The following AKAP7 variants were observed in gnomAD, a reference collection of about 807,000 sequenced individuals.
The protein encoded by AKAP7 is A-kinase anchoring protein 7.
In AKAP7, 39 loss-of-function variants were observed where a neutral mutation model predicts 39.5. The observed-to-expected ratio is 0.99, with a 90% CI of 0.76 to 1.29. The LOEUF (loss-of-function observed/expected upper bound fraction) is 1.29. AKAP7 is among the 50% of genes most tolerant of loss of function. The pLI, the probability that AKAP7 is intolerant of heterozygous loss-of-function variation, is 0.00. For missense variants in AKAP7, 414 were observed against 407.7 expected (o/e 1.02, Z -0.13); for synonymous variants, 140 against 139.1 (o/e 1.01, Z -0.05).
intron 1 of AKAP7, among the ~76,000 whole-genome samples, chr6:131,143,710 A>G (rs1398151722): frequency 1.4e-4 from 21 of 149,328 alleles, no homozygotes; most frequent in Admixed American, 1.1e-3. Flanking sequence ...ACTGTGGCCT[A>G]TCATCATAGC....
chr6:131,272,142 G>C (rs1345243600), intron 7 of AKAP7, among the ~76,000 whole-genome samples: 1 of 152,086 alleles, frequency 6.6e-6, no homozygotes, highest in East Asian at 1.9e-4. Context: ...CTAGTTTGTT[G>C]CATCTCTTCA....
rs141189273 is a variant in AKAP7, at chr6:131,279,557, G to A, written c.851-1973G>A. ...GTTGGGATTACAGGCGTGAGCCACC[G>A]CGCCTGGCCAAAATTAGCTTTTTGT... is the stretch of plus-strand genomic sequence containing the variant. On this transcript the variant is annotated intron_variant, in intron 7 of 7. Transcript: ENST00000431975. 5.2e-3 allele frequency among the ~76,000 whole-genome samples: 793 copies of A among 152,262 alleles called. 7 individuals carry two copies. Among genetic ancestry groups the A allele is most frequent in the African/African-American group, 0.018 (738 of 41,550 alleles).
chr6:131,244,474 C>A (rs1811844273), intron 7 of AKAP7, among the ~76,000 whole-genome samples: 3 of 152,206 alleles, frequency 2.0e-5, no homozygotes. Context: ...CTTGTCAGCC[C>A]ATCTTTCAGC....
intron 5 of AKAP7, among the ~76,000 whole-genome samples, chr6:131,171,235 C>T (rs1804015238): frequency 1.3e-5 from 2 of 152,018 alleles, no homozygotes; most frequent in South Asian, 4.1e-4. Flanking sequence ...CAAGCAATTA[C>T]AGTGCAATAT....
intron 3 of AKAP7, among the ~76,000 whole-genome samples, chr6:131,161,800 C>T (rs1056696044): frequency 1.3e-5 from 2 of 151,572 alleles, no homozygotes; most frequent in Non-Finnish European, 2.9e-5. Flanking sequence ...TTTAGGATCA[C>T]GTATACCTGT....
chr6:131,260,174 TGTA>T (rs1230311545), intron 7 of AKAP7, among the ~76,000 whole-genome samples: 2 of 152,350 alleles, frequency 1.3e-5, no homozygotes, highest in East Asian at 3.9e-4. Flanking sequence ...ATGGTGTATA[TGTA>T]CCACATTTTC....
intron 7 of AKAP7, among the ~76,000 whole-genome samples, chr6:131,249,287 TTCTA>T (rs1362202467): frequency 6.6e-6 from 1 of 152,190 alleles, no homozygotes; most frequent in South Asian, 2.1e-4. Context: ...ATTATCAAAA[TTCTA>T]TCTTTCAGAA....
At chr6:131,224,211 AG>A (rs1255982011) in intron 7 of AKAP7, among the ~76,000 whole-genome samples, 7 of 152,192 alleles carry the variant, frequency 4.6e-5, no homozygotes, top group African/African-American at 7.2e-5. Context: ...TGTACACTAG[AG>A]TTCATTTGCT....
At chr6:131,145,546 T>C in intron 2 of AKAP7, 130 bp downstream of exon 2, 1 of 573,044 alleles carries the variant, frequency 1.7e-6, no homozygotes, top group Non-Finnish European at 2.5e-6. Flanking sequence ...TTTGATTTCA[T>C]TTCATTTATT....
At chr6:131,241,627 G>GTGTGTGTGTATATATATATA in intron 7 of AKAP7, among the ~76,000 whole-genome samples, 4 of 86,638 alleles carry the variant, frequency 4.6e-5, no homozygotes, top group African/African-American at 2.0e-4. Context: ...GTGTGTGTGT[G>GTGTGTGTGTATATATATATA]TATATATATA....
At chr6:131,157,289 T>A (rs1167711365) in intron 2 of AKAP7, among the ~76,000 whole-genome samples, 2 of 152,176 alleles carry the variant, frequency 1.3e-5, no homozygotes, top group Non-Finnish European at 2.9e-5. Flanking sequence ...GGAAACTGAA[T>A]AAAGAGAGTT....
chr6:131,178,505 A>T (rs1257701020), intron 5 of AKAP7, among the ~76,000 whole-genome samples: 1 of 152,160 alleles, frequency 6.6e-6, no homozygotes, highest in East Asian at 1.9e-4. Context: ...TCCTACACCC[A>T]TACACCACTC....
chr6:131,219,605 TGAACTGGCTGCATGG>T, intron 6 of AKAP7, 41 bp from the exon 7 acceptor site: 6 of 1,497,108 alleles, frequency 4.0e-6, no homozygotes, highest in Non-Finnish European at 5.5e-6. Flanking sequence ...GATGTAGTTA[TGAACTGGCTGCATGG>T]GTGAAATGAT....
intron 2 of AKAP7, among the ~76,000 whole-genome samples, chr6:131,155,153 A>T (rs1045707766): frequency 3.9e-5 from 6 of 152,010 alleles, no homozygotes; most frequent in South Asian, 2.1e-4. Context: ...AGCTGGGATT[A>T]TAGGTGCATA....
chr6:131,239,419 C>T lies in AKAP7; in HGVS notation c.850+19611C>T, dbSNP rs144008487. 4.9e-3 allele frequency among the ~76,000 whole-genome samples: 745 copies of T among 152,130 alleles called. 8 individuals carry two copies. The highest frequency in any genetic ancestry group is 0.016 in the African/African-American group (684 of 41,504). ...CTCTTCTCGAGGAGTATCTTTTTGG[C>T]GTTCTCTGTATTTCCTGAATTTGAA... On this transcript the variant is annotated intron_variant, in intron 7 of 7. Transcript: ENST00000431975.
chr6:131,211,766 C>A (rs1286325380), intron 6 of AKAP7, among the ~76,000 whole-genome samples: 1 of 120,362 alleles, frequency 8.3e-6, no homozygotes, highest in African/African-American at 3.5e-5. Flanking sequence ...GAGTGAGACT[C>A]CGTCTCAAAA....
intron 7 of AKAP7, among the ~76,000 whole-genome samples, chr6:131,280,044 A>G (rs557010355): frequency 2.6e-5 from 4 of 152,316 alleles, no homozygotes. Context: ...TTGCCACCCA[A>G]CATGACATTA....
chr6:131,180,344 T>C (rs2128254385), intron 5 of AKAP7, among the ~76,000 whole-genome samples: 1 of 152,356 alleles, frequency 6.6e-6, no homozygotes. Context: ...TTCAACCCTT[T>C]GTCTTTATTA....
At chr6:131,130,749 G>A (rs1270240037), upstream of AKAP7, among the ~76,000 whole-genome samples, 1 of 152,148 alleles carries the variant, frequency 6.6e-6, no homozygotes, top group African/African-American at 2.4e-5. Context: ...CAAGGGCTGG[G>A]AACAGGTGGT....
Sources: allele counts gnomAD v4.1 joint callset (sites outside exome capture counted in the v4.1 genomes callset), GRCh38; gene constraint gnomAD v4.1.1; transcripts MANE v1.5; gene names NCBI Gene and HGNC (gene_info 2026-07-23, HGNC 2026-07-21).